The following FMNL3 variants were observed in gnomAD, a reference collection of about 807,000 sequenced individuals.
The protein encoded by FMNL3 is formin-like protein 3.
Under a neutral mutation model 119.6 loss-of-function variants are expected in FMNL3, and 57 were observed. The observed-to-expected ratio is 0.48, with a 90% CI of 0.39 to 0.59. FMNL3 has a LOEUF of 0.59. Among genes scored for constraint, FMNL3 ranks in the 20% least tolerant of loss-of-function variants. FMNL3 has a pLI of 0.00. For missense variants in FMNL3, 1,053 were observed against 1,323.5 expected (o/e 0.80, Z 3.17); for synonymous variants, 491 against 507.3 (o/e 0.97, Z 0.43).
chr12:49,647,839 C>A lies in FMNL3; in HGVS notation c.2677-35G>T, dbSNP rs775075848. Reference sequence around the variant, plus strand: ...GGGTGGGCAGAATGGGTCACCCTGGCAGGAAGATCAGCCCAGCTCCCACAC... The same window carrying A: ...GGGTGGGCAGAATGGGTCACCCTGGAAGGAAGATCAGCCCAGCTCCCACAC... On this transcript the variant is annotated intron_variant, in intron 22 of 25. Coordinates refer to ENST00000335154, the MANE Select transcript of FMNL3 (RefSeq NM_175736.5). This position sits in a 1 kb window ranked among gnomAD's most constrained non-coding sequence, Gnocchi z 4.9. 1 of 1,513,594 alleles carries A rather than the reference C, an allele frequency of 6.6e-7. No homozygotes were observed. The highest frequency in any genetic ancestry group is 9.2e-7 in the Non-Finnish European group (1 of 1,089,686). 93.8% of individuals were successfully genotyped at this position (1,513,594 alleles called of 1,614,324 possible).
At chr12:49,669,101 T>C (rs1943971816) in intron 1 of FMNL3, among the ~76,000 whole-genome samples, 2 of 152,200 alleles carry the variant, frequency 1.3e-5, no homozygotes, top group African/African-American at 4.8e-5. Context: ...GTAGATGCTA[T>C]AACTGTGACC....
chr12:49,651,674 C>T (rs1342371342), intron 14 of FMNL3, among the ~76,000 whole-genome samples: 1 of 152,232 alleles, frequency 6.6e-6, no homozygotes, highest in Non-Finnish European at 1.5e-5. Flanking sequence ...CTAAGCCTCT[C>T]CTTGGCTGTC....
At chr12:49,693,669 A>T (rs1944675032) in intron 1 of FMNL3, among the ~76,000 whole-genome samples, 2 of 68,264 alleles carry the variant, frequency 2.9e-5, no homozygotes, top group East Asian at 4.6e-4. Context: ...TTTTTTTGAG[A>T]CAGAGTTTCG....
At chr12:49,706,914 TG>T in intron 1 of FMNL3, 140 bp downstream of exon 1, 1 of 1,018,810 alleles carries the variant, frequency 9.8e-7, no homozygotes, top group African/African-American at 1.8e-5. Context: ...CAGAGGTTCC[TG>T]GGAAGACACT....
At chr12:49,672,807 C>T (rs1302936094) in intron 1 of FMNL3, among the ~76,000 whole-genome samples, 1 of 152,220 alleles carries the variant, frequency 6.6e-6, no homozygotes, top group African/African-American at 2.4e-5. Flanking sequence ...CTTGCCCCTA[C>T]TCTGACAGTC....
At chr12:49,648,959 T>G in intron 21 of FMNL3, 70 bp downstream of exon 21, 2 of 1,519,314 alleles carry the variant, frequency 1.3e-6, no homozygotes, top group Non-Finnish European at 1.8e-6. Context: ...GTGTTCTCTC[T>G]CCTCATAGCT....
Position 49,642,487 on chromosome 12 carries a change from T to C in FMNL3, c.*3328A>G. The C allele has an allele frequency of 5.1e-6, 8 of 1,579,852 alleles. No homozygotes were observed. Among genetic ancestry groups the C allele is most frequent in the Non-Finnish European group, 6.1e-6 (7 of 1,151,548 alleles). ...CCTGGGCCAGCTCCAGTTCCCTTCC[T>C]TTCTCTGCCCCAGCCCTGCCCTGTG... On this transcript the variant is annotated 3_prime_UTR_variant, in exon 26 of 26. Coordinates refer to ENST00000335154, the MANE Select transcript of FMNL3 (RefSeq NM_175736.5). The surrounding 1 kb of genome is among the most constrained non-coding windows in gnomAD (Gnocchi z 5.8).
intron 1 of FMNL3, among the ~76,000 whole-genome samples, chr12:49,705,563 GT>G (rs1268942320): frequency 1.3e-5 from 2 of 152,054 alleles, no homozygotes; most frequent in Admixed American, 1.3e-4. Flanking sequence ...CCCCACCAGA[GT>G]GCAGATCCCC....
Position 49,647,849 on chromosome 12 carries a change from AGCCCAGCTCC to A in FMNL3, c.2677-55_2677-46del, listed in dbSNP as rs1258661953. On this transcript the variant is annotated intron_variant, in intron 22 of 25. Transcript: ENST00000335154. This position sits in a 1 kb window ranked among gnomAD's most constrained non-coding sequence, Gnocchi z 4.9. ...AATGGGTCACCCTGGCAGGAAGATC[AGCCCAGCTCC>A]CACACCACGGATGAGAGGCCTGCAG... is the stretch of plus-strand genomic sequence containing the variant. 2 of 1,464,226 alleles carry A rather than the reference AGCCCAGCTCC, an allele frequency of 1.4e-6. No individual in the cohort carries two copies. Among genetic ancestry groups the A allele is most frequent in the African/African-American group, 1.4e-5 (1 of 71,960 alleles). 90.7% of individuals were successfully genotyped at this position (1,464,226 alleles called of 1,614,324 possible). A position where few individuals can be genotyped will look rare whatever the true frequency, so the allele number is the denominator to read the frequency against.
At position 49,645,494 on chromosome 12, in the gene FMNL3, C is replaced by T. The variant is rs758313554; in HGVS notation, c.*321G>A. 2 of 317,232 alleles carry T rather than the reference C, an allele frequency of 6.3e-6. No homozygotes were observed. Among genetic ancestry groups the T allele is most frequent in the Non-Finnish European group, 1.2e-5 (2 of 173,470 alleles). The allele number at this position is 317,232 out of a possible 1,614,324, so 19.7% of individuals were successfully genotyped here. A position where few individuals can be genotyped will look rare whatever the true frequency, so the allele number is the denominator to read the frequency against. On this transcript the variant is annotated 3_prime_UTR_variant, in exon 26 of 26. Coordinates refer to ENST00000335154, the MANE Select transcript of FMNL3 (RefSeq NM_175736.5). ...ACAGTTGCTCTCTCCTCTCATCCCT[C>T]TGGGCTCTAGTGGGAGAGATCTATG...
rs1943157616 is a variant in FMNL3 at position 49,645,837 on chromosome 12, G to A, written c.3062C>T (p.Pro1021Leu). The part of the protein sequence containing the change: ...ARSAAPPSGP[P>L]RAPGPH ...GTCTCAGTGGGGGCCTGGAGCCCGA[G>A]GGGGACCACTGGGCGGTGCAGCACT... Residue 1021 changes from proline (P) to leucine (L), a missense_variant, in exon 26 of 26, where the codon CCT becomes CTT. Physicochemically the swap from Pro to Leu is moderately conservative, Grantham distance 98. Transcript: ENST00000335154. 6.2e-7 allele frequency: 1 copy of A among 1,603,310 alleles called. No homozygotes were observed. Among genetic ancestry groups the A allele is most frequent in the Non-Finnish European group, 8.5e-7 (1 of 1,176,450 alleles).
chr12:49,642,403 C>T lies in FMNL3; in HGVS notation c.*3412G>A. ...GAGCGTAGCCTGGCCCCAAGCACCC[C>T]TCAAGCCTGAGGGCAGCGGTGCTTC... On this transcript the variant is annotated 3_prime_UTR_variant, in exon 26 of 26. Coordinates refer to ENST00000335154, the MANE Select transcript of FMNL3 (RefSeq NM_175736.5). This position sits in a 1 kb window ranked among gnomAD's most constrained non-coding sequence, Gnocchi z 5.8. The T allele has an allele frequency of 6.2e-7, 1 of 1,610,738 alleles. No homozygotes were observed. The highest frequency in any genetic ancestry group is 8.5e-7 in the Non-Finnish European group (1 of 1,178,006).
Position 49,658,461 on chromosome 12 carries a change from C to G in FMNL3, c.586G>C (p.Ala196Pro). The G allele has an allele frequency of 6.2e-7, 1 of 1,609,000 alleles. No homozygotes were observed. Among genetic ancestry groups the G allele is most frequent in the East Asian group, 2.2e-5 (1 of 44,684 alleles). Residue 196 changes from alanine (A) to proline (P), a missense_variant, in exon 6 of 26, where the codon GCG (alanine) becomes CCG (proline). Physicochemically the swap from Ala to Pro is conservative, Grantham distance 27. Transcript: ENST00000335154. ...ACATACCGGAGCACAGACTGGCGCG[C>G]AGAGCGAGCGAGGCTGTTGGTGAAG... The part of the protein sequence containing the change: ...APFTNSLARS[A>P]RQSVLRYSTL...
intron 1 of FMNL3, among the ~76,000 whole-genome samples, chr12:49,682,360 G>A (rs963533788): frequency 9.2e-5 from 14 of 152,070 alleles, no homozygotes; most frequent in African/African-American, 2.2e-4. Context: ...GTGAGCCACC[G>A]TGCCTGGCCC....
chr12:49,700,637 C>T (rs1474603081), intron 1 of FMNL3, among the ~76,000 whole-genome samples: 1 of 146,578 alleles, frequency 6.8e-6, no homozygotes, highest in Non-Finnish European at 1.5e-5. Context: ...ATTGCTTGAA[C>T]CCAGGAAGCA....
chr12:49,648,101 A>AT (rs1178343223), intron 22 of FMNL3, 92 bp downstream of exon 22: 2 of 1,423,840 alleles, frequency 1.4e-6, no homozygotes, highest in African/African-American at 2.9e-5. Context: ...CAGCTGCTTG[A>AT]TTTAAAAAAA....
intron 1 of FMNL3, among the ~76,000 whole-genome samples, chr12:49,699,655 G>T (rs956435851): frequency 1.3e-5 from 2 of 152,180 alleles, no homozygotes; most frequent in African/African-American, 4.8e-5. Context: ...AGTTACATAT[G>T]CTTTTATACG....
chr12:49,637,926 T>C lies in FMNL3; in HGVS notation c.*7889A>G. The C allele has an allele frequency of 1.1e-6, 1 of 928,328 alleles. No homozygotes were observed. Among genetic ancestry groups the C allele is most frequent in the Non-Finnish European group, 1.7e-6 (1 of 586,516 alleles). The allele number at this position is 928,328 out of a possible 1,614,324, so 57.5% of individuals were successfully genotyped here. On this transcript the variant is annotated 3_prime_UTR_variant, in exon 26 of 26. Coordinates refer to ENST00000335154, the MANE Select transcript of FMNL3 (RefSeq NM_175736.5). ...CCTGTTTTGCAGAAGCATTACAGCT[T>C]GGTTCAGCAGATATCTACTGTGATC...
chr12:49,707,181 C>T lies in FMNL3; in HGVS notation c.-1G>A. 1 of 1,546,994 alleles carries T rather than the reference C, an allele frequency of 6.5e-7. No homozygotes were observed. Among genetic ancestry groups the T allele is most frequent in the Non-Finnish European group, 8.7e-7 (1 of 1,151,338 alleles). ...CCTCGGCGCTCTCCAGGTTGCCCATCGCGGCGGGGCCCCCTCAGGGGCCTC... is the reference window on the plus strand; with the variant it reads ...CCTCGGCGCTCTCCAGGTTGCCCATTGCGGCGGGGCCCCCTCAGGGGCCTC... On this transcript the variant is annotated 5_prime_UTR_variant, in exon 1 of 26. Coordinates refer to ENST00000335154, the MANE Select transcript of FMNL3 (RefSeq NM_175736.5).
Sources: allele counts gnomAD v4.1 joint callset (sites outside exome capture counted in the v4.1 genomes callset), GRCh38; gene constraint gnomAD v4.1.1; non-coding constraint Gnocchi (gnomAD v3.1); transcripts MANE v1.5; gene names NCBI Gene and HGNC (gene_info 2026-07-23, HGNC 2026-07-21).